Variants in EBF2 observed in about 807,000 individuals in gnomAD.
The protein encoded by EBF2 is EBF transcription factor 2.
In EBF2, 21 loss-of-function variants were observed where a neutral mutation model predicts 72.8. The observed-to-expected ratio is 0.29, with a 90% CI of 0.20 to 0.42. The LOEUF (loss-of-function observed/expected upper bound fraction) is 0.42, where lower values mean the gene tolerates loss of function less well. Ranked by LOEUF, EBF2 falls within the 10% of genes least tolerant of loss-of-function variation. The probability of loss-of-function intolerance (pLI) is 1.00; values close to 1 mark genes in which losing one functional copy is unlikely to be tolerated. For missense variants in EBF2, 637 were observed against 731.2 expected, an observed-to-expected ratio of 0.87 and a Z score of 1.49; for synonymous variants, 299 against 274.2, an observed-to-expected ratio of 1.09 and a Z score of -0.89.
intron 6 of EBF2, among the ~76,000 whole-genome samples, chr8:26,029,580 A>G (rs1161957278): frequency 2.0e-5 from 3 of 152,216 alleles, no homozygotes; most frequent in Admixed American, 6.5e-5. Flanking sequence ...TTTCAAGGGA[A>G]TAAACAGACT....
intron 6 of EBF2, among the ~76,000 whole-genome samples, chr8:26,027,243 G>A (rs1298499810): frequency 6.6e-6 from 1 of 152,116 alleles, no homozygotes; most frequent in African/African-American, 2.4e-5. Flanking sequence ...AAACACACTT[G>A]AGAGACAGGA....
At chr8:25,966,802 T>C (rs1804122216) in intron 6 of EBF2, among the ~76,000 whole-genome samples, 1 of 152,168 alleles carries the variant, frequency 6.6e-6, no homozygotes, top group Non-Finnish European at 1.5e-5. Flanking sequence ...GCCAGCATGC[T>C]GGGGTGTATG....
chr8:25,914,735 G>T (rs1046418742), intron 6 of EBF2, among the ~76,000 whole-genome samples: 5 of 152,160 alleles, frequency 3.3e-5, no homozygotes, highest in Admixed American at 2.0e-4. Context: ...ACGAAATGAA[G>T]TTTAAACTCA....
At chr8:25,887,628 C>A (rs190805063) in intron 9 of EBF2, among the ~76,000 whole-genome samples, 2 of 152,036 alleles carry the variant, frequency 1.3e-5, no homozygotes, top group Admixed American at 1.3e-4. Context: ...CATTTTTTAA[C>A]GGTGGAGTGA....
Position 25,842,590 on chromosome 8 carries a change from G to A in EBF2, c.*2019C>T, listed in dbSNP as rs897010971. 6.6e-6 allele frequency: 1 copy of A among 152,096 alleles called. No individual in the cohort carries two copies. Among genetic ancestry groups the A allele is most frequent in the African/African-American group, 2.4e-5 (1 of 41,426 alleles). The allele number at this position is 152,096 out of a possible 1,614,324, so 9.4% of individuals were successfully genotyped here. On this transcript the variant is annotated 3_prime_UTR_variant, in exon 16 of 16. Transcript: ENST00000520164. The stretch of plus-strand genomic sequence containing the variant: ...CTTCCATCAATCAGGTTTCTCACTG[G>A]GGGACTTTTTCTCTTATGTTTCCGT...
intron 10 of EBF2, among the ~76,000 whole-genome samples, chr8:25,881,918 C>T (rs1027765992): frequency 1.3e-5 from 2 of 152,130 alleles, no homozygotes; most frequent in Non-Finnish European, 2.9e-5. Context: ...CCGAGAGGCC[C>T]GGGGAAAACC....
intron 6 of EBF2, among the ~76,000 whole-genome samples, chr8:25,952,103 G>A (rs919012864): frequency 2.0e-5 from 3 of 152,056 alleles, no homozygotes; most frequent in African/African-American, 7.2e-5. Context: ...GGCCAGCCTG[G>A]GCAACAGAGT....
intron 6 of EBF2, among the ~76,000 whole-genome samples, chr8:25,949,827 C>CTTCTTCACAGTT (rs1803828950): frequency 6.6e-6 from 1 of 152,186 alleles, no homozygotes; most frequent in Admixed American, 6.5e-5. Flanking sequence ...CAAAAATAAA[C>CTTCTTCACAGTT]TTGGCCTACT....
In EBF2 at chr8:26,044,076, C is replaced by A. The variant is rs372299169; in HGVS notation, c.131+653G>T. Among the ~76,000 whole-genome samples, 2 of 152,210 alleles carry A rather than the reference C, an allele frequency of 1.3e-5. No homozygotes were observed. The highest frequency in any genetic ancestry group is 2.9e-5 in the Non-Finnish European group (2 of 68,042). ...CTACTGTGACTCAGTATTTTCTCTT[C>A]TTTTAAATCTCTTCTTTTCTCCAGT... On this transcript the variant is annotated intron_variant, in intron 1 of 15. Transcript: ENST00000520164. This position sits in a 1 kb window ranked among gnomAD's most constrained non-coding sequence, Gnocchi z 4.1.
At chr8:25,861,812 C>A (rs1056962869) in intron 11 of EBF2, among the ~76,000 whole-genome samples, 6 of 152,180 alleles carry the variant, frequency 3.9e-5, no homozygotes, top group Non-Finnish European at 8.8e-5. Flanking sequence ...ATCTTGGCAA[C>A]GTCTGCTGCA....
At chr8:25,963,992 G>A (rs1477890713) in intron 6 of EBF2, among the ~76,000 whole-genome samples, 1 of 151,974 alleles carries the variant, frequency 6.6e-6, no homozygotes, top group Admixed American at 6.6e-5. Flanking sequence ...AGGTTTCCTT[G>A]CTGCTGATGA....
intron 5 of EBF2, among the ~76,000 whole-genome samples, chr8:26,035,977 C>G (rs1485570237): frequency 6.6e-6 from 1 of 151,880 alleles, no homozygotes; most frequent in African/African-American, 2.4e-5. Context: ...TTTTTCTTAG[C>G]AACACAGTTT....
chr8:26,032,094 A>G (rs1805418169), intron 6 of EBF2: 2 of 152,288 alleles, frequency 1.3e-5, no homozygotes, highest in South Asian at 4.1e-4. Context: ...AAGTGACTGC[A>G]CCTCCTAACC....
At position 26,019,915 on chromosome 8, in the gene EBF2, G is replaced by A. The variant is rs73227960; in HGVS notation, c.551+13170C>T. On this transcript the variant is annotated intron_variant, in intron 6 of 15. Coordinates refer to ENST00000520164, the MANE Select transcript of EBF2 (RefSeq NM_022659.4). ...GCTTTCCCAGGGGTTGAGAAGTGGG[G>A]AGGCACAGCTCCACCTTCTCTGCAG... Among the ~76,000 whole-genome samples, 1,171 of 152,244 alleles carry A rather than the reference G, an allele frequency of 7.7e-3. 5 individuals are homozygous for A. Among genetic ancestry groups the A allele is most frequent in the Middle Eastern group, 0.017 (5 of 294 alleles).
At chr8:25,991,002 G>A (rs2117209430) in intron 6 of EBF2, among the ~76,000 whole-genome samples, 1 of 152,310 alleles carries the variant, frequency 6.6e-6, no homozygotes, top group Admixed American at 6.5e-5. Flanking sequence ...GGCAGCTAAT[G>A]GGTCTGGGAA....
chr8:25,981,915 GT>G (rs1237571657), intron 6 of EBF2, among the ~76,000 whole-genome samples: 2 of 152,042 alleles, frequency 1.3e-5, no homozygotes, highest in East Asian at 3.9e-4. Flanking sequence ...TAATCTGACA[GT>G]TAAATGCAAA....
At chr8:25,892,286 G>C (rs1277416385) in intron 7 of EBF2, among the ~76,000 whole-genome samples, 1 of 152,066 alleles carries the variant, frequency 6.6e-6, no homozygotes, top group Non-Finnish European at 1.5e-5. Flanking sequence ...TTATTGTACT[G>C]TACCTTGGGT....
intron 6 of EBF2, among the ~76,000 whole-genome samples, chr8:26,002,847 CA>C (rs1804755428): frequency 8.1e-6 from 1 of 123,006 alleles, no homozygotes; most frequent in African/African-American, 2.7e-5. Context: ...GGCAGGCAGG[CA>C]GGCAGGCGGG....
At chr8:25,864,151 C>A (rs1400914185) in intron 10 of EBF2, among the ~76,000 whole-genome samples, 1 of 151,994 alleles carries the variant, frequency 6.6e-6, no homozygotes, top group Non-Finnish European at 1.5e-5. Flanking sequence ...ATTACTGGAC[C>A]AAAAATTATG....
Sources: gnomAD v4.1 joint callset for allele counts (sites outside exome capture counted in the v4.1 genomes callset) on GRCh38, gnomAD v4.1.1 for gene constraint, Gnocchi (gnomAD v3.1) non-coding constraint, MANE v1.5 for transcripts, NCBI Gene and HGNC (gene_info 2026-07-23, HGNC 2026-07-21) for gene names.